ADAMTS13: variants seen among roughly 807,000 people sequenced by gnomAD.
ADAMTS13 encodes the protein A disintegrin and metalloproteinase with thrombospondin motifs 13.
Under a neutral mutation model 155.1 loss-of-function variants are expected in ADAMTS13, and 110 were observed. That is an observed-to-expected ratio of 0.71 (90% confidence interval 0.61 to 0.83). The LOEUF is 0.83. Ranked by LOEUF, ADAMTS13 falls within the 40% of genes least tolerant of loss-of-function variation. The pLI is 0.00. For synonymous variants in ADAMTS13, 758 were observed against 756.4 expected (o/e 1.00, Z -0.03); for missense variants, 1,707 against 1,891.7 (o/e 0.90, Z 1.81).
At position 133,433,686 on chromosome 9, in the gene ADAMTS13, C is replaced by G; in HGVS notation, c.1290C>G (p.Ala430=). 1.9e-6 allele frequency: 3 copies of G among 1,613,606 alleles called. No individual in the cohort carries two copies. Among genetic ancestry groups the G allele is most frequent in the South Asian group, 1.1e-5 (1 of 91,068 alleles). The stretch of plus-strand genomic sequence containing the variant: ...CATGTGTTGGTGCTGACCTCCAGGC[C>G]GAGATGTGCAACACTCAGGTAGGCC... ...GRACVGADLQ[A]EMCNTQACEK... Residue 430 remains alanine, a synonymous_variant, in exon 11 of 29, where the codon GCC becomes GCG. Coordinates refer to ENST00000355699, the MANE Select transcript of ADAMTS13 (RefSeq NM_139027.6).
At position 133,425,149 on chromosome 9, in the gene ADAMTS13, A is replaced by C. The variant is rs1840197664; in HGVS notation, c.331-380A>C. On this transcript the variant is annotated intron_variant, in intron 3 of 28. Coordinates refer to ENST00000355699, the MANE Select transcript of ADAMTS13 (RefSeq NM_139027.6). This position sits in a 1 kb window ranked among gnomAD's most constrained non-coding sequence, Gnocchi z 4.6. ...AGACCAGCCTGGCCAACATGGTGAA[A>C]CCCCGTAGCTACTAAAAATACAAAA... 6.6e-6 allele frequency among the ~76,000 whole-genome samples: 1 copy of C among 152,162 alleles called. No homozygotes were observed. The highest frequency in any genetic ancestry group is 6.5e-5 in the Admixed American group (1 of 15,280).
chr9:133,432,125 C>G (rs781786627), intron 8 of ADAMTS13, among the ~76,000 whole-genome samples: 1 of 151,958 alleles, frequency 6.6e-6, no homozygotes, highest in Non-Finnish European at 1.5e-5. Flanking sequence ...ATTAGCCGGG[C>G]GTGGTGGCGC....
At chr9:133,429,648 C>T (rs1437366885) in intron 7 of ADAMTS13, 4 of 613,116 alleles carry the variant, frequency 6.5e-6, no homozygotes, top group Non-Finnish European at 9.1e-6. Flanking sequence ...GTCCCCTTCC[C>T]GCCGACCGCA....
In ADAMTS13 at chr9:133,425,503, T is replaced by A. The variant is rs781862388; in HGVS notation, c.331-26T>A. ...GGCTGGCAATGCCCACCCGACGGGT[T>A]ACCTCTCTCATCTGCCCTTGCACAG... On this transcript the variant is annotated intron_variant, in intron 3 of 28. Transcript: ENST00000355699. The surrounding 1 kb of genome is among the most constrained non-coding windows in gnomAD (Gnocchi z 4.6). 7 of 1,606,506 alleles carry A rather than the reference T, an allele frequency of 4.4e-6. No individual in the cohort carries two copies. The highest frequency in any genetic ancestry group is 5.9e-6 in the Non-Finnish European group (7 of 1,176,888).
chr9:133,451,194 A>G (rs1211567629), intron 23 of ADAMTS13, among the ~76,000 whole-genome samples: 1 of 152,248 alleles, frequency 6.6e-6, no homozygotes, highest in Non-Finnish European at 1.5e-5. Context: ...ACAGACATGT[A>G]TGTTCCAGCA....
At position 133,426,228 on chromosome 9, in the gene ADAMTS13, G is replaced by A. The variant is rs142152759; in HGVS notation, c.569G>A (p.Arg190Gln). The change falls in exon 6 of 29, where the codon CGG (arginine) becomes CAG (glutamine). Residue 190 changes from arginine to glutamine, a missense_variant. Around this residue, in one of 3 missense-constraint regions of ADAMTS13, gnomAD observed 733 missense variants for 749.6 expected, o/e 0.98. Transcript: ENST00000355699. The stretch of plus-strand genomic sequence containing the variant: ...GACCTGGAGTTGCCTGATGGTAACC[G>A]GCAGGTGCGGGGCGTCACCCAGCTG... ...RFDLELPDGNRQVRGVTQLGG... is the reference protein window; with the variant it reads ...RFDLELPDGNQQVRGVTQLGG... 63 of 1,613,518 alleles carry A rather than the reference G, an allele frequency of 3.9e-5. 1 individual carries two copies. Among genetic ancestry groups the A allele is most frequent in the African/African-American group, 2.3e-4 (17 of 74,942 alleles).
chr9:133,422,001 A>G (rs1011577160), upstream of ADAMTS13: 3 of 203,944 alleles, frequency 1.5e-5, no homozygotes, highest in Non-Finnish European at 3.0e-5. Context: ...TTGAGCCAGA[A>G]CCACGATGTC....
Position 133,446,275 on chromosome 9 carries a change from C to G in ADAMTS13, c.2731+456C>G, listed in dbSNP as rs373336937. ...CACATTGTTGTGCGGCCATCACCAC[C>G]AACCTCTCCAGAACTTTTCCAGTTT... On this transcript the variant is annotated intron_variant, in intron 21 of 28. Transcript: ENST00000355699. Among the ~76,000 whole-genome samples the G allele has an allele frequency of 2.6e-5, 4 of 152,338 alleles. No homozygotes were observed. The East Asian group carries it at 7.7e-4, about 29-fold the overall frequency.
At chr9:133,443,656 G>A in intron 19 of ADAMTS13, 95 bp downstream of exon 19, 1 of 1,377,208 alleles carries the variant, frequency 7.3e-7, no homozygotes, top group Admixed American at 2.8e-5. Context: ...CCCTCCTCCT[G>A]AGGCCTCCGG....
At chr9:133,444,192 C>T (rs375711367) in intron 19 of ADAMTS13, among the ~76,000 whole-genome samples, 1 of 152,172 alleles carries the variant, frequency 6.6e-6, no homozygotes, top group Non-Finnish European at 1.5e-5. Context: ...GCCACTTTAG[C>T]GCAGGGCTGA....
At chr9:133,415,131 C>A in intron 1 of ADAMTS13, 1 of 747,452 alleles carries the variant, frequency 1.3e-6, no homozygotes. Flanking sequence ...TATACAATTC[C>A]CATCCGCATC....
At chr9:133,447,427 T>C (rs893179999) in intron 21 of ADAMTS13, among the ~76,000 whole-genome samples, 15 of 152,192 alleles carry the variant, frequency 9.9e-5, no homozygotes, top group African/African-American at 3.6e-4. Flanking sequence ...GAATAGCTAC[T>C]ATACCCTGCT....
At chr9:133,428,111 C>T (rs587627900) in intron 6 of ADAMTS13, among the ~76,000 whole-genome samples, 4 of 152,194 alleles carry the variant, frequency 2.6e-5, no homozygotes, top group South Asian at 4.1e-4. Flanking sequence ...CCATCAGTTC[C>T]GCTTTGGGTA....
In ADAMTS13 at chr9:133,436,242, T is replaced by C. The variant is rs139190425; in HGVS notation, c.1309-587T>C. Among the ~76,000 whole-genome samples the C allele has an allele frequency of 6.6e-5, 10 of 152,134 alleles. No homozygotes were observed. The East Asian group carries it at 1.7e-3, about 26-fold the overall frequency. ...GGTGTGGGTTTGTCCCTGGCTGTAT[T>C]ACAGTTCTGCATGTGGTGAGACCCT... On this transcript the variant is annotated intron_variant, in intron 11 of 28. Coordinates refer to ENST00000355699, the MANE Select transcript of ADAMTS13 (RefSeq NM_139027.6).
Position 133,445,731 on chromosome 9 carries a change from C to T in ADAMTS13, c.2643C>T (p.Pro881=), listed in dbSNP as rs1260442569. ...LDATSAGEKA[P]SPWGSIRTGA... Reference sequence around the variant, plus strand: ...CCACCTCTGCAGGGGAGAAGGCTCCCTCCCCATGGGGCAGCATCAGGACGG... The same window carrying T: ...CCACCTCTGCAGGGGAGAAGGCTCCTTCCCCATGGGGCAGCATCAGGACGG... Residue 881 remains proline, a synonymous_variant, in exon 21 of 29, where the codon CCC becomes CCT. Transcript: ENST00000355699. The surrounding 1 kb of genome is among the most constrained non-coding windows in gnomAD (Gnocchi z 5.0). 4 of 1,612,548 alleles carry T rather than the reference C, an allele frequency of 2.5e-6. No homozygotes were observed. The highest frequency in any genetic ancestry group is 2.2e-5 in the East Asian group (1 of 44,862).
At position 133,436,849 on chromosome 9, in the gene ADAMTS13, GGA is replaced by G; in HGVS notation, c.1331_1332del (p.Glu444ValfsTer89). 1 of 1,585,432 alleles carries G rather than the reference GGA, an allele frequency of 6.3e-7. No individual in the cohort carries two copies. The highest frequency in any genetic ancestry group is 8.6e-7 in the Non-Finnish European group (1 of 1,168,212). ...NTQACEKTQL[E>X]FMSQQCARTD... ...GCCAGGCCTGCGAGAAGACCCAGCTGGAGTTCATGTCGCAACAGTGCGCCAGG... is the reference window on the plus strand; with the variant it reads ...GCCAGGCCTGCGAGAAGACCCAGCTGGTTCATGTCGCAACAGTGCGCCAGG... On this transcript the variant is annotated frameshift_variant, in exon 12 of 29. Coordinates refer to ENST00000355699, the MANE Select transcript of ADAMTS13 (RefSeq NM_139027.6). LOFTEE classifies it high-confidence loss of function.
chr9:133,430,144 T>C, intron 8 of ADAMTS13, 43 bp downstream of exon 8: 1 of 1,550,276 alleles, frequency 6.5e-7, no homozygotes, highest in East Asian at 2.4e-5. Flanking sequence ...GTGAGGTCCC[T>C]CCGCATCACC....
chr9:133,437,866 C>G lies in ADAMTS13; in HGVS notation c.1553C>G (p.Thr518Ser), dbSNP rs781894953. Residue 518 changes from threonine to serine, a missense_variant, in exon 13 of 29, where the codon ACC (threonine) becomes AGC (serine). This residue lies in a region of ADAMTS13 where 733 missense variants were observed against 749.6 expected (regional missense o/e 0.98). Coordinates refer to ENST00000355699, the MANE Select transcript of ADAMTS13 (RefSeq NM_139027.6). ...CCAAGTGGCCCCCGGGAGGACGGGA[C>G]CCTGAGCCTGTGTGTGTCGGGCAGC... is the stretch of plus-strand genomic sequence containing the variant. ...CMPSGPREDGTLSLCVSGSCR... is the reference protein window; with the variant it reads ...CMPSGPREDGSLSLCVSGSCR... 8 of 1,613,714 alleles carry G rather than the reference C, an allele frequency of 5.0e-6. No homozygotes were observed. In the East Asian group the frequency reaches 1.8e-4, roughly 36 times the overall value.
rs587723784 is a variant in ADAMTS13 at position 133,442,586 on chromosome 9, C to T, written c.2105-28C>T. ...AGCACGGCTTGCCCCTGCAGGGAGG[C>T]GGCCTAGCCCTCCCTCTTCCCTCCC... is the stretch of plus-strand genomic sequence containing the variant. On this transcript the variant is annotated intron_variant, in intron 17 of 28. Transcript: ENST00000355699. The T allele has an allele frequency of 6.5e-5, 105 of 1,613,310 alleles. 1 individual carries two copies. In the South Asian group the frequency reaches 7.7e-4, roughly 12 times the overall value.
Sources: allele counts gnomAD v4.1 joint callset (sites outside exome capture counted in the v4.1 genomes callset), GRCh38; gene constraint gnomAD v4.1.1; regional missense constraint gnomAD v4.1.1; non-coding constraint Gnocchi (gnomAD v3.1); transcripts MANE v1.5; gene names NCBI Gene and HGNC (gene_info 2026-07-23, HGNC 2026-07-21).